The following NXPE2 variants were observed in gnomAD, a reference collection of about 807,000 sequenced individuals.
NXPE2 encodes neurexophilin and PC-esterase domain family member 2, also known as NXPE family member 2.
NXPE2 carries 34 observed loss-of-function variants against 34.4 expected under a neutral mutation model. That is an observed-to-expected ratio of 0.99 (90% CI 0.75 to 1.31). The LOEUF is 1.31. Among genes scored for constraint, NXPE2 ranks in the 40% most tolerant of loss-of-function variants. The pLI is 0.00. For synonymous variants in NXPE2, 235 were observed against 231.3 expected (o/e 1.02, Z -0.15); for missense variants, 649 against 672.5 (o/e 0.97, Z 0.39).
At chr11:114,513,288 G>C in the NXPE2 span, 1 of 466,120 alleles carries the variant, frequency 2.1e-6, no homozygotes. Flanking sequence ...GTGTTCATGT[G>C]GGTGAAAGGT....
At chr11:114,696,072 C>T (rs1429999452) in intron 2 of NXPE2, among the ~76,000 whole-genome samples, 1 of 151,728 alleles carries the variant, frequency 6.6e-6, no homozygotes, top group Non-Finnish European at 1.5e-5. Context: ...CTCAGTGGCT[C>T]AGGTCTGTAA....
chr11:114,606,696 C>T, the NXPE2 span, among the ~76,000 whole-genome samples: 16 of 151,982 alleles, frequency 1.1e-4, no homozygotes, highest in South Asian at 4.1e-4. Context: ...CACTGTTACC[C>T]GGAGGGTAAT....
the NXPE2 span, among the ~76,000 whole-genome samples, chr11:114,714,041 TA>T: frequency 6.6e-6 from 1 of 152,260 alleles, no homozygotes; most frequent in African/African-American, 2.4e-5. Context: ...TTCTAGTACA[TA>T]CTTTTTCATT....
At chr11:114,533,798 TGGGTGGAGCCCACCACA>T in the NXPE2 span, among the ~76,000 whole-genome samples, 1 of 152,208 alleles carries the variant, frequency 6.6e-6, no homozygotes, top group South Asian at 2.1e-4. Context: ...AAGCTCAAAC[TGGGTGGAGCCCACCACA>T]GCTCAAGGAG....
At chr11:114,530,115 AGCTCTGACTGGG>A in the NXPE2 span, 1 of 1,499,122 alleles carries the variant, frequency 6.7e-7, no homozygotes, top group Non-Finnish European at 9.0e-7. Flanking sequence ...TGGGCAATGT[AGCTCTGACTGGG>A]GCACTTCTCA....
At chr11:114,596,511 A>G in the NXPE2 span, among the ~76,000 whole-genome samples, 1 of 152,194 alleles carries the variant, frequency 6.6e-6, no homozygotes, top group Non-Finnish European at 1.5e-5. Context: ...TGGAATCAAG[A>G]CCAGTTTCAC....
At chr11:114,521,814 T>TCA in the NXPE2 span, 2 of 592,802 alleles carry the variant, frequency 3.4e-6, no homozygotes, top group Non-Finnish European at 5.9e-6. Context: ...GCATCCCTTA[T>TCA]CAGTTGTCAT....
the NXPE2 span, chr11:114,581,880 G>C: frequency 1.2e-6 from 1 of 848,256 alleles, no homozygotes; most frequent in Non-Finnish European, 1.9e-6. Context: ...TTATTTCTTA[G>C]AGATAAGTCA....
the NXPE2 span, among the ~76,000 whole-genome samples, chr11:114,596,281 A>G: frequency 6.6e-6 from 1 of 152,192 alleles, no homozygotes; most frequent in African/African-American, 2.4e-5. Flanking sequence ...ATGGGTTTGA[A>G]TCCATCTGGG....
At chr11:114,775,358 C>T in the NXPE2 span, among the ~76,000 whole-genome samples, 1 of 152,204 alleles carries the variant, frequency 6.6e-6, no homozygotes, top group African/African-American at 2.4e-5. Flanking sequence ...TTGTTAAGCT[C>T]TCCTGGACTG....
chr11:114,782,779 T>C, the NXPE2 span, among the ~76,000 whole-genome samples: 3 of 152,214 alleles, frequency 2.0e-5, no homozygotes, highest in Non-Finnish European at 4.4e-5. Context: ...CTGATTCTTA[T>C]TGCAGAGATT....
the NXPE2 span, among the ~76,000 whole-genome samples, chr11:114,490,809 A>G: frequency 1.3e-5 from 2 of 152,254 alleles, no homozygotes; most frequent in Non-Finnish European, 2.9e-5. Flanking sequence ...CTTCATGTCT[A>G]AAACGCCAAA....
the NXPE2 span, among the ~76,000 whole-genome samples, chr11:114,513,672 G>A: frequency 6.6e-6 from 1 of 152,142 alleles, no homozygotes; most frequent in African/African-American, 2.4e-5. Context: ...TCCATAGGAT[G>A]TTAAAAACCC....
At chr11:114,623,374 C>T in the NXPE2 span, among the ~76,000 whole-genome samples, 5 of 152,028 alleles carry the variant, frequency 3.3e-5, no homozygotes, top group East Asian at 1.9e-4. Flanking sequence ...CACTTTTAAA[C>T]GTGGGATAAT....
the NXPE2 span, among the ~76,000 whole-genome samples, chr11:114,562,579 C>T: frequency 6.6e-6 from 1 of 152,150 alleles, no homozygotes; most frequent in East Asian, 1.9e-4. Context: ...TTTAATTATG[C>T]CATTTTCCTA....
chr11:114,598,663 G>A, the NXPE2 span, among the ~76,000 whole-genome samples: 1 of 151,764 alleles, frequency 6.6e-6, no homozygotes, highest in Admixed American at 6.6e-5. Context: ...CTGTACCTGG[G>A]CCTCTTTGAG....
At chr11:114,595,810 A>C in the NXPE2 span, 1 of 152,276 alleles carries the variant, frequency 6.6e-6, no homozygotes, top group Admixed American at 6.6e-5. Context: ...GCTCCACCTT[A>C]AGGAGGGGCC....
the NXPE2 span, among the ~76,000 whole-genome samples, chr11:114,641,758 T>G: frequency 6.6e-5 from 10 of 152,062 alleles, no homozygotes; most frequent in Admixed American, 5.9e-4. Context: ...TTCTAGTACA[T>G]TTGATCAAGG....
At chr11:114,532,805 A>G in the NXPE2 span, among the ~76,000 whole-genome samples, 1 of 152,144 alleles carries the variant, frequency 6.6e-6, no homozygotes, top group Non-Finnish European at 1.5e-5. Flanking sequence ...ATGGTTGATT[A>G]TGGGTGAATT....
Sources: allele counts gnomAD v4.1 joint callset (sites outside exome capture counted in the v4.1 genomes callset), GRCh38; gene constraint gnomAD v4.1.1; transcripts MANE v1.5; gene names NCBI Gene and HGNC (gene_info 2026-07-23, HGNC 2026-07-21).